HOMER2: variants seen among roughly 807,000 people sequenced by gnomAD.
HOMER2 encodes the protein homer scaffold protein 2.
In HOMER2, 27 loss-of-function variants were observed where a neutral mutation model predicts 47.0. The observed-to-expected ratio is 0.57, with a 90% CI of 0.42 to 0.79. HOMER2 has a LOEUF of 0.79. Ranked by LOEUF, HOMER2 falls within the 30% of genes least tolerant of loss-of-function variation. The probability of loss-of-function intolerance (pLI) is 0.00; values close to 1 mark genes in which losing one functional copy is unlikely to be tolerated. For missense variants in HOMER2, 443 were observed against 435.0 expected (o/e 1.02, Z -0.16); for synonymous variants, 161 against 163.8 (o/e 0.98, Z 0.13).
At chr15:82,859,941 C>T (rs531011839) in intron 4 of HOMER2, among the ~76,000 whole-genome samples, 1 of 152,138 alleles carries the variant, frequency 6.6e-6, no homozygotes, top group African/African-American at 2.4e-5. Context: ...ATATATACAG[C>T]AGTACATATG....
intron 1 of HOMER2, among the ~76,000 whole-genome samples, chr15:82,910,268 A>T (rs951395698): frequency 6.6e-6 from 1 of 152,028 alleles, no homozygotes; most frequent in East Asian, 1.9e-4. Flanking sequence ...AAGCCCCCAC[A>T]TTGTAAAGTG....
chr15:82,970,277 T>A (rs1427267560), intron 1 of HOMER2, among the ~76,000 whole-genome samples: 3 of 152,192 alleles, frequency 2.0e-5, no homozygotes, highest in Admixed American at 2.0e-4. Context: ...GATCAGCAGA[T>A]AATTTGAGAG....
downstream of HOMER2, chr15:82,845,373 T>C (rs968749496): frequency 1.3e-5 from 2 of 151,970 alleles, no homozygotes; most frequent in Admixed American, 6.6e-5. Context: ...AGAAAACCCA[T>C]ATTCTTGAGA....
intron 1 of HOMER2, among the ~76,000 whole-genome samples, chr15:82,894,795 GATAAA>G (rs949282714): frequency 1.4e-5 from 2 of 138,112 alleles, no homozygotes; most frequent in East Asian, 4.2e-4. Flanking sequence ...TGTCAAAAGA[GATAAA>G]ATAAAAGAGA....
At chr15:82,959,527 A>C (rs925139591) in intron 1 of HOMER2, among the ~76,000 whole-genome samples, 6 of 152,218 alleles carry the variant, frequency 3.9e-5, no homozygotes, top group Non-Finnish European at 7.3e-5. Flanking sequence ...TGAGGATCCA[A>C]GGCATAGATG....
chr15:82,972,079 G>GTT (rs747404695), intron 1 of HOMER2, among the ~76,000 whole-genome samples: 4 of 152,252 alleles, frequency 2.6e-5, no homozygotes, highest in Admixed American at 1.3e-4. Flanking sequence ...TTCACCCATT[G>GTT]TAAGTGTACA....
intron 2 of HOMER2, among the ~76,000 whole-genome samples, chr15:82,877,304 G>C (rs1196859589): frequency 6.6e-6 from 1 of 152,000 alleles, no homozygotes; most frequent in Non-Finnish European, 1.5e-5. Flanking sequence ...TGAGTAGCTG[G>C]AATTACAGGT....
chr15:82,957,735 G>A (rs114807214), downstream of HOMER2, among the ~76,000 whole-genome samples: 362 of 152,288 alleles, frequency 2.4e-3, 4 homozygotes, highest in African/African-American at 8.3e-3. Flanking sequence ...AGCTATAAAC[G>A]ATTTCCAACA....
chr15:82,903,238 C>G (rs2053181866), intron 1 of HOMER2, among the ~76,000 whole-genome samples: 1 of 152,148 alleles, frequency 6.6e-6, no homozygotes, highest in Admixed American at 6.5e-5. Context: ...GGAGTGGGTT[C>G]CTGAGATTTC....
intron 3 of HOMER2, among the ~76,000 whole-genome samples, chr15:82,868,541 A>ATATATATATATATATAT: frequency 1.4e-5 from 1 of 71,266 alleles, no homozygotes; most frequent in African/African-American, 5.0e-5. Flanking sequence ...ATATATATAT[A>ATATATATATATATATAT]TTTTTTTTTT....
At chr15:82,878,781 C>T (rs1022723785) in intron 2 of HOMER2, among the ~76,000 whole-genome samples, 5 of 152,184 alleles carry the variant, frequency 3.3e-5, no homozygotes, top group Admixed American at 2.0e-4. Context: ...GTGTGCACCA[C>T]CATGCCCAGC....
At chr15:82,857,108 G>T (rs564615377) in intron 5 of HOMER2, among the ~76,000 whole-genome samples, 1 of 151,282 alleles carries the variant, frequency 6.6e-6, no homozygotes, top group Non-Finnish European at 1.5e-5. Context: ...CTTAGGAGGC[G>T]GGGGGGCGGG....
At chr15:82,858,958 C>A in intron 5 of HOMER2, 71 bp downstream of exon 5, 1 of 1,524,288 alleles carries the variant, frequency 6.6e-7, no homozygotes, top group South Asian at 1.3e-5. Flanking sequence ...GAAACCCTGT[C>A]CAGCAAGAAA....
intron 2 of HOMER2, among the ~76,000 whole-genome samples, chr15:82,892,143 T>C (rs73446961): frequency 0.012 from 1,828 of 152,208 alleles, 42 homozygotes; most frequent in African/African-American, 0.042. Context: ...TCAACTCCTA[T>C]GCCTAATAAC....
intron 2 of HOMER2, among the ~76,000 whole-genome samples, chr15:82,890,983 C>T (rs762917205): frequency 3.9e-5 from 6 of 152,092 alleles, no homozygotes; most frequent in Non-Finnish European, 5.9e-5. Context: ...CCATCAAACA[C>T]GAGGTGCCTA....
At chr15:82,915,583 C>T (rs1002121696) in intron 1 of HOMER2, among the ~76,000 whole-genome samples, 18 of 151,994 alleles carry the variant, frequency 1.2e-4, no homozygotes, top group African/African-American at 3.9e-4. Flanking sequence ...CATGGTGGCA[C>T]GTGCCTGTAG....
At chr15:82,869,064 G>A (rs981580353) in intron 3 of HOMER2, among the ~76,000 whole-genome samples, 3 of 152,096 alleles carry the variant, frequency 2.0e-5, no homozygotes, top group African/African-American at 4.8e-5. Context: ...GTATAAATGC[G>A]ACCACAGAAC....
chr15:82,855,643 A>C (rs1406352143), intron 5 of HOMER2, among the ~76,000 whole-genome samples: 4 of 152,206 alleles, frequency 2.6e-5, no homozygotes, highest in Non-Finnish European at 5.9e-5. Flanking sequence ...GGGCTTGGAG[A>C]CAGGAGAGAG....
intron 1 of HOMER2, among the ~76,000 whole-genome samples, chr15:82,907,397 GAGAA>G (rs1169744567): frequency 6.8e-6 from 1 of 146,892 alleles, no homozygotes; most frequent in Non-Finnish European, 1.5e-5. Flanking sequence ...GGAAAGGAAA[GAGAA>G]AGAGAAGGAA....
Sources: allele counts gnomAD v4.1 joint callset (sites outside exome capture counted in the v4.1 genomes callset), GRCh38; gene constraint gnomAD v4.1.1; transcripts MANE v1.5; gene names NCBI Gene and HGNC (gene_info 2026-07-23, HGNC 2026-07-21).